Variants in ZNF385D observed in about 807,000 individuals in gnomAD.
ZNF385D encodes zinc finger protein 659.
Under a neutral mutation model 35.8 loss-of-function variants are expected in ZNF385D, and 15 were observed. That is an observed-to-expected ratio of 0.42 (90% CI 0.28 to 0.64). ZNF385D has a LOEUF of 0.64. Ranked by LOEUF, ZNF385D falls within the 30% of genes least tolerant of loss-of-function variation. The pLI is 0.23. For missense variants in ZNF385D, 474 were observed against 494.6 expected (o/e 0.96, Z 0.39); for synonymous variants, 212 against 186.8 (o/e 1.13, Z -1.10).
At chr3:22,200,102 G>C (rs1358765865) in intron 2 of ZNF385D, among the ~76,000 whole-genome samples, 1 of 152,068 alleles carries the variant, frequency 6.6e-6, no homozygotes, top group African/African-American at 2.4e-5. Context: ...GGAACATCCA[G>C]AATCCTTGCC....
intron 2 of ZNF385D, among the ~76,000 whole-genome samples, chr3:22,216,979 G>C (rs2125272736): frequency 6.6e-6 from 1 of 152,178 alleles, no homozygotes; most frequent in South Asian, 2.1e-4. Context: ...CATCTGTCTT[G>C]AATTTTCATA....
At chr3:22,123,222 G>A (rs1191937762) in intron 3 of ZNF385D, among the ~76,000 whole-genome samples, 1 of 152,116 alleles carries the variant, frequency 6.6e-6, no homozygotes, top group African/African-American at 2.4e-5. Flanking sequence ...AGAAGCGGGG[G>A]AGACTGAATT....
chr3:22,153,652 T>C (rs568992021), intron 3 of ZNF385D, among the ~76,000 whole-genome samples: 1 of 151,992 alleles, frequency 6.6e-6, no homozygotes, highest in South Asian at 2.1e-4. Flanking sequence ...TTAGTAGAGA[T>C]GGCATTTCAC....
intron 3 of ZNF385D, among the ~76,000 whole-genome samples, chr3:22,146,258 A>T (rs752141149): frequency 6.6e-6 from 1 of 152,200 alleles, no homozygotes; most frequent in Non-Finnish European, 1.5e-5. Context: ...AGAAATATTC[A>T]GTAATATTCG....
chr3:21,733,483 G>C (rs915215689), intron 1 of ZNF385D, among the ~76,000 whole-genome samples: 1 of 152,070 alleles, frequency 6.6e-6, no homozygotes, highest in Non-Finnish European at 1.5e-5. Flanking sequence ...CTTTGTTAAT[G>C]AATGAAATTA....
intron 4 of ZNF385D, among the ~76,000 whole-genome samples, chr3:21,458,005 A>C (rs364346): frequency 0.17 from 25,835 of 152,044 alleles, 2,369 homozygotes; most frequent in Non-Finnish European, 0.2. Flanking sequence ...TACAGTCCTC[A>C]AAAAAAGTTC....
intron 1 of ZNF385D, among the ~76,000 whole-genome samples, chr3:21,717,097 C>A (rs564155912): frequency 5.4e-4 from 82 of 152,158 alleles, no homozygotes; most frequent in Admixed American, 3.3e-3. Flanking sequence ...TGCGCCACTG[C>A]ACTCCAACCT....
At chr3:22,208,659 A>G (rs1697314235) in intron 2 of ZNF385D, among the ~76,000 whole-genome samples, 2 of 151,792 alleles carry the variant, frequency 1.3e-5, no homozygotes, top group Admixed American at 1.3e-4. Flanking sequence ...CCATATCAAA[A>G]TATCTTATGT....
At chr3:21,771,660 G>C (rs1430232501) in intron 3 of ZNF385D, among the ~76,000 whole-genome samples, 1 of 151,840 alleles carries the variant, frequency 6.6e-6, no homozygotes, top group Non-Finnish European at 1.5e-5. Flanking sequence ...GCCAAGATGG[G>C]TGACTACATA....
intron 3 of ZNF385D, among the ~76,000 whole-genome samples, chr3:22,108,975 G>A (rs1305366200): frequency 6.6e-6 from 1 of 152,178 alleles, no homozygotes; most frequent in Non-Finnish European, 1.5e-5. Flanking sequence ...TTACACCACT[G>A]CACTCCAGCC....
chr3:22,369,029 CTTGA>C (rs563042162), intron 2 of ZNF385D, among the ~76,000 whole-genome samples: 95 of 152,276 alleles, frequency 6.2e-4, no homozygotes, highest in Middle Eastern at 3.4e-3. Context: ...TAAGCACTTG[CTTGA>C]TTTTCAACTC....
chr3:21,883,729 C>T lies in ZNF385D; in HGVS notation c.326-218701G>A, dbSNP rs147690262. Reference sequence around the variant, plus strand: ...AAGGAAAGTCATTTCATTTTTGTTACATTCCATCAGATTGCTGCACATATA... The same window carrying T: ...AAGGAAAGTCATTTCATTTTTGTTATATTCCATCAGATTGCTGCACATATA... On this transcript the variant is annotated intron_variant, in intron 3 of 5. Transcript: ENST00000494108. Among the ~76,000 whole-genome samples the T allele has an allele frequency of 2.1e-3, 318 of 152,156 alleles. 4 individuals are homozygous for T. Among genetic ancestry groups the T allele is most frequent in the African/African-American group, 7.4e-3 (306 of 41,544 alleles).
intron 2 of ZNF385D, among the ~76,000 whole-genome samples, chr3:22,299,766 A>G (rs541075016): frequency 6.6e-6 from 1 of 152,072 alleles, no homozygotes; most frequent in East Asian, 1.9e-4. Flanking sequence ...CAAAGCAGTA[A>G]AAGACCTGTA....
At chr3:22,149,486 A>G (rs1291380587) in intron 3 of ZNF385D, among the ~76,000 whole-genome samples, 1 of 152,174 alleles carries the variant, frequency 6.6e-6, no homozygotes, top group Non-Finnish European at 1.5e-5. Flanking sequence ...TCTTTAAGAC[A>G]CAGATTGCTT....
At chr3:21,897,107 G>A (rs1699177340) in intron 3 of ZNF385D, among the ~76,000 whole-genome samples, 1 of 152,170 alleles carries the variant, frequency 6.6e-6, no homozygotes, top group Admixed American at 6.5e-5. Context: ...GACTTTGGCT[G>A]ATCAGGTGGA....
intron 2 of ZNF385D, among the ~76,000 whole-genome samples, chr3:22,230,969 CAGA>C (rs1203435446): frequency 3.9e-5 from 6 of 152,080 alleles, no homozygotes; most frequent in African/African-American, 1.4e-4. Flanking sequence ...AATTCAGACC[CAGA>C]CTTCCCAGAA....
chr3:22,057,821 T>G (rs1012261794), intron 3 of ZNF385D, among the ~76,000 whole-genome samples: 4 of 152,116 alleles, frequency 2.6e-5, no homozygotes, highest in Non-Finnish European at 5.9e-5. Flanking sequence ...GCCTCACGTT[T>G]TTAAAACCCA....
chr3:21,619,246 C>G (rs753832198), intron 2 of ZNF385D, among the ~76,000 whole-genome samples: 2 of 152,134 alleles, frequency 1.3e-5, no homozygotes, highest in African/African-American at 4.8e-5. Flanking sequence ...TTTGTTCTCT[C>G]ATCTCCTCGC....
chr3:21,908,060 T>C (rs572438550), intron 3 of ZNF385D, among the ~76,000 whole-genome samples: 1 of 152,210 alleles, frequency 6.6e-6, no homozygotes, highest in South Asian at 2.1e-4. Flanking sequence ...ACATTACTGA[T>C]AGTAACTAGG....
Sources: allele counts gnomAD v4.1 joint callset (sites outside exome capture counted in the v4.1 genomes callset), GRCh38; gene constraint gnomAD v4.1.1; transcripts MANE v1.5; gene names NCBI Gene and HGNC (gene_info 2026-07-23, HGNC 2026-07-21).